The following ACER3 variants were observed in gnomAD, a reference collection of about 807,000 sequenced individuals.
The protein encoded by ACER3 is alkaline ceramidase 3.
Under a neutral mutation model 48.9 loss-of-function variants are expected in ACER3, and 16 were observed. The ratio of observed to expected loss-of-function variants is 0.33; its 90% CI spans 0.22 to 0.50. ACER3 has a LOEUF of 0.50. Among genes scored for constraint, ACER3 ranks in the 20% least tolerant of loss-of-function variants. ACER3 has a pLI of 0.98. For synonymous variants in ACER3, 109 were observed against 107.8 expected (o/e 1.01, Z -0.07); for missense variants, 227 against 326.0 (o/e 0.70, Z 2.34).
chr11:77,019,162 A>C (rs1425922039), intron 9 of ACER3, among the ~76,000 whole-genome samples: 1 of 152,192 alleles, frequency 6.6e-6, no homozygotes, highest in Non-Finnish European at 1.5e-5. Context: ...ATGGCCCTTA[A>C]GAATTATGCT....
intron 1 of ACER3, among the ~76,000 whole-genome samples, chr11:76,894,478 G>T (rs886344400): frequency 6.6e-6 from 1 of 152,146 alleles, no homozygotes; most frequent in Admixed American, 6.5e-5. Flanking sequence ...CTTAGACTTA[G>T]GTTTTAATCC....
chr11:76,936,235 T>A (rs1270009087), intron 2 of ACER3, among the ~76,000 whole-genome samples: 1 of 152,130 alleles, frequency 6.6e-6, no homozygotes, highest in Non-Finnish European at 1.5e-5. Context: ...GACCATACAG[T>A]AGAGTTTTTA....
chr11:76,861,169 C>A, intron 1 of ACER3, 90 bp downstream of exon 1: 2 of 1,295,238 alleles, frequency 1.5e-6, no homozygotes, highest in Non-Finnish European at 2.1e-6. Context: ...AACCTGGCCG[C>A]GAAGGGAGGT....
chr11:76,975,517 T>C (rs1184662558), intron 3 of ACER3, among the ~76,000 whole-genome samples: 1 of 152,186 alleles, frequency 6.6e-6, no homozygotes, highest in Non-Finnish European at 1.5e-5. Context: ...TGGCCATTAA[T>C]ACCTCTTCTT....
Position 76,887,060 on chromosome 11 carries a change from C to T in ACER3, c.103+25981C>T, listed in dbSNP as rs570422525. 7.9e-5 allele frequency among the ~76,000 whole-genome samples: 12 copies of T among 152,006 alleles called. No homozygotes were observed. In the East Asian group the frequency reaches 2.3e-3, roughly 29 times the overall value. Reference sequence around the variant, plus strand: ...ATGAGAAAAAATAGATATAGAATAGCTATAAATCCTGCCTGGGCAACATAG... The same window carrying T: ...ATGAGAAAAAATAGATATAGAATAGTTATAAATCCTGCCTGGGCAACATAG... On this transcript the variant is annotated intron_variant, in intron 1 of 10. Coordinates refer to ENST00000532485, the MANE Select transcript of ACER3 (RefSeq NM_018367.7).
At chr11:76,938,488 T>G (rs553702836) in intron 2 of ACER3, among the ~76,000 whole-genome samples, 23 of 152,110 alleles carry the variant, frequency 1.5e-4, no homozygotes, top group African/African-American at 5.3e-4. Flanking sequence ...CCGGCTTACT[T>G]ATTTATTTAT....
intron 1 of ACER3, among the ~76,000 whole-genome samples, chr11:76,898,256 G>T (rs915588941): frequency 1.3e-5 from 2 of 152,130 alleles, no homozygotes; most frequent in African/African-American, 4.8e-5. Flanking sequence ...ACTCCAAAAA[G>T]GGTACATCAA....
intron 1 of ACER3, among the ~76,000 whole-genome samples, chr11:76,915,080 C>T (rs893669397): frequency 1.3e-5 from 2 of 151,968 alleles, no homozygotes; most frequent in African/African-American, 2.4e-5. Context: ...GGAGATATAC[C>T]TAATGTAAAT....
chr11:76,929,603 A>T (rs1269491575), intron 2 of ACER3, among the ~76,000 whole-genome samples: 2 of 152,218 alleles, frequency 1.3e-5, no homozygotes, highest in Non-Finnish European at 2.9e-5. Context: ...TGGGTCTGTC[A>T]TAAATAGCTC....
chr11:76,937,466 C>T (rs560921330), intron 2 of ACER3, among the ~76,000 whole-genome samples: 305 of 152,080 alleles, frequency 2.0e-3, no homozygotes, highest in African/African-American at 6.6e-3. Flanking sequence ...AACAGACTTA[C>T]AAAAATTGGT....
chr11:76,893,684 A>G (rs1360560181), intron 1 of ACER3, among the ~76,000 whole-genome samples: 1 of 152,212 alleles, frequency 6.6e-6, no homozygotes, highest in African/African-American at 2.4e-5. Context: ...AATACTTCAT[A>G]GATTTGTTTT....
At chr11:76,876,266 T>G (rs1945377767) in intron 1 of ACER3, among the ~76,000 whole-genome samples, 1 of 117,828 alleles carries the variant, frequency 8.5e-6, no homozygotes, top group Non-Finnish European at 2.0e-5. Context: ...ACAACCACTG[T>G]TCTGATTTTT....
intron 2 of ACER3, among the ~76,000 whole-genome samples, chr11:76,942,112 A>G (rs961971892): frequency 6.6e-6 from 1 of 152,106 alleles, no homozygotes; most frequent in Non-Finnish European, 1.5e-5. Context: ...ATAGTCAGCA[A>G]ACAGGGCTAC....
chr11:77,015,433 A>C (rs1458134378), intron 8 of ACER3, among the ~76,000 whole-genome samples: 1 of 152,150 alleles, frequency 6.6e-6, no homozygotes, highest in Non-Finnish European at 1.5e-5. Context: ...AATAAAGAAG[A>C]CTGATTTGTA....
intron 1 of ACER3, among the ~76,000 whole-genome samples, chr11:76,867,405 G>A (rs1425632004): frequency 7.1e-6 from 1 of 139,872 alleles, no homozygotes; most frequent in Non-Finnish European, 1.5e-5. Context: ...GGAGGCGGAG[G>A]TTGCAGAGAG....
At chr11:77,018,924 AGCTGAGATTATT>A (rs1240463772) in intron 9 of ACER3, among the ~76,000 whole-genome samples, 12 of 152,246 alleles carry the variant, frequency 7.9e-5, no homozygotes, top group Admixed American at 7.2e-4. Flanking sequence ...CAGAAGATCT[AGCTGAGATTATT>A]GATGAAAGTG....
Position 76,926,629 on chromosome 11 carries a change from T to A in ACER3, c.176T>A (p.Leu59Gln). 6.2e-7 allele frequency: 1 copy of A among 1,606,102 alleles called. No individual in the cohort carries two copies. Among genetic ancestry groups the A allele is most frequent in the Non-Finnish European group, 8.5e-7 (1 of 1,172,734 alleles). Residue 59 changes from leucine (L) to glutamine (Q), a missense_variant, in exon 2 of 11, where the codon CTG (leucine) becomes CAG (glutamine). This residue lies in a region of ACER3 where 195 missense variants were observed against 290.8 expected (regional missense o/e 0.67). Coordinates refer to ENST00000532485, the MANE Select transcript of ACER3 (RefSeq NM_018367.7). ...GCAGTTCAGAGTGTTAGAGACGGTC[T>A]GGAAAAGCGGTACATTGCTTCTTAT... ...FGAVQSVRDG[L>Q]EKRYIASYLA...
chr11:76,872,636 A>G (rs996355775), intron 1 of ACER3, among the ~76,000 whole-genome samples: 1 of 152,156 alleles, frequency 6.6e-6, no homozygotes, highest in African/African-American at 2.4e-5. Flanking sequence ...GCTGAGGAGG[A>G]GGATGTCATT....
intron 1 of ACER3, among the ~76,000 whole-genome samples, chr11:76,895,621 T>C (rs1167780763): frequency 3.9e-5 from 6 of 152,316 alleles, no homozygotes; most frequent in African/African-American, 9.6e-5. Flanking sequence ...TTCCCTCATT[T>C]GCAAAATGAG....
Sources: allele counts gnomAD v4.1 joint callset (sites outside exome capture counted in the v4.1 genomes callset), GRCh38; gene constraint gnomAD v4.1.1; regional missense constraint gnomAD v4.1.1; transcripts MANE v1.5; gene names NCBI Gene and HGNC (gene_info 2026-07-23, HGNC 2026-07-21).